The following BASP1 variants were observed in gnomAD, a reference collection of about 807,000 sequenced individuals.
BASP1 encodes brain abundant membrane attached signal protein 1.
BASP1 carries 1 observed loss-of-function variant against 2.2 expected under a neutral mutation model. The ratio of observed to expected loss-of-function variants is 0.46; its 90% confidence interval spans 0.16 to 2.17. BASP1 has a LOEUF of 2.17. BASP1 is among the 30% of genes most tolerant of loss of function. BASP1 has a pLI of 0.27. For missense variants in BASP1, 352 were observed against 327.2 expected, an observed-to-expected ratio of 1.08 and a Z score of -0.58; for synonymous variants, 187 against 154.2, an observed-to-expected ratio of 1.21 and a Z score of -1.58.
chr5:17,222,882 G>A, intron 1 of BASP1, among the ~76,000 whole-genome samples: 1 of 152,106 alleles, frequency 6.6e-6, no homozygotes, highest in East Asian at 1.9e-4. Context: ...TAGAGATTTA[G>A]AAATAGAAAC....
chr5:17,253,857 G>A (rs1366698534), intron 1 of BASP1, among the ~76,000 whole-genome samples: 1 of 152,052 alleles, frequency 6.6e-6, no homozygotes, highest in African/African-American at 2.4e-5. Flanking sequence ...CCAGTGATGA[G>A]AAGACCACCG....
chr5:17,238,886 AT>A (rs1190831370), intron 1 of BASP1, among the ~76,000 whole-genome samples: 2 of 152,128 alleles, frequency 1.3e-5, no homozygotes, highest in Non-Finnish European at 2.9e-5. Flanking sequence ...TCTTCAGTAA[AT>A]TTTAATATCT....
chr5:17,261,565 T>G (rs1740316176), intron 1 of BASP1, among the ~76,000 whole-genome samples: 1 of 152,196 alleles, frequency 6.6e-6, no homozygotes. Flanking sequence ...AAAGAGAGCA[T>G]GTTGAGTTGG....
chr5:17,240,057 G>A (rs1255921942), intron 1 of BASP1, among the ~76,000 whole-genome samples: 5 of 151,844 alleles, frequency 3.3e-5, no homozygotes, highest in South Asian at 2.1e-4. Flanking sequence ...GGGAAATGTC[G>A]AGGTCATGAT....
Position 17,275,368 on chromosome 5 carries a change from C to T in BASP1, c.152C>T (p.Ala51Val), listed in dbSNP as rs532902284. ...CAGGCGGCCGCAGAGCCCGCCGAGG[C>T]CAAGGAGGGCAAGGAGAAGCCCGAC... ...EPQAAAEPAE[A>V]KEGKEKPDQD... is the part of the protein sequence containing the mutation. The change falls in exon 2 of 2, where the codon GCC becomes GTC. Residue 51 changes from alanine to valine, a missense_variant. By Grantham distance (64) the Ala-to-Val change is moderately conservative. Coordinates refer to ENST00000322611, the MANE Select transcript of BASP1 (RefSeq NM_006317.5). This position sits in a 1 kb window ranked among gnomAD's most constrained non-coding sequence, Gnocchi z 5.3. The T allele has an allele frequency of 4.1e-4, 651 of 1,600,180 alleles. 7 individuals carry two copies. In the South Asian group the frequency reaches 6.8e-3, roughly 17 times the overall value.
At chr5:17,238,315 C>A (rs751250133) in intron 1 of BASP1, among the ~76,000 whole-genome samples, 1 of 151,022 alleles carries the variant, frequency 6.6e-6, no homozygotes, top group Admixed American at 6.6e-5. Context: ...TTTTTTTTAT[C>A]GAAACCAAAA....
At chr5:17,222,109 C>T (rs1483909329) in intron 1 of BASP1, among the ~76,000 whole-genome samples, 1 of 151,804 alleles carries the variant, frequency 6.6e-6, no homozygotes, top group African/African-American at 2.4e-5. Context: ...ATTTTTGTTC[C>T]AGCTTGATTA....
Position 17,251,523 on chromosome 5 carries a change from G to A in BASP1, c.-9-23685G>A, listed in dbSNP as rs570287462. Among the ~76,000 whole-genome samples, 1 of 152,170 alleles carries A rather than the reference G, an allele frequency of 6.6e-6. No homozygotes were observed. The highest frequency in any genetic ancestry group is 1.5e-5 in the Non-Finnish European group (1 of 68,036). ...GTTTCTGTGGAAGGGTCCAAACAGC[G>A]GCTGGAGCTCCAACTGTCTTTGTCT... On this transcript the variant is annotated intron_variant, in intron 1 of 1. Coordinates refer to ENST00000322611, the MANE Select transcript of BASP1 (RefSeq NM_006317.5). This position sits in a 1 kb window ranked among gnomAD's most constrained non-coding sequence, Gnocchi z 4.0.
chr5:17,257,115 A>G (rs1740225002), intron 1 of BASP1, among the ~76,000 whole-genome samples: 1 of 152,090 alleles, frequency 6.6e-6, no homozygotes, highest in Admixed American at 6.5e-5. Flanking sequence ...CCCTTTTGAT[A>G]GTTTCTTGGA....
intron 1 of BASP1, among the ~76,000 whole-genome samples, chr5:17,273,382 T>C (rs1012384948): frequency 6.6e-6 from 1 of 152,110 alleles, no homozygotes; most frequent in African/African-American, 2.4e-5. Flanking sequence ...TTATGACCAA[T>C]TGCCACCCCC....
chr5:17,240,404 C>T (rs1042865596), intron 1 of BASP1, among the ~76,000 whole-genome samples: 6 of 152,042 alleles, frequency 3.9e-5, no homozygotes, highest in Non-Finnish European at 7.4e-5. Context: ...GGCGTGGTGG[C>T]GGGCACCTGT....
chr5:17,252,201 T>A (rs548378735), intron 1 of BASP1, among the ~76,000 whole-genome samples: 3 of 152,186 alleles, frequency 2.0e-5, no homozygotes, highest in African/African-American at 7.2e-5. Flanking sequence ...TGTGTTTTCT[T>A]TAGCTTCATT....
At chr5:17,270,154 C>T (rs1210960247) in intron 1 of BASP1, among the ~76,000 whole-genome samples, 2 of 152,118 alleles carry the variant, frequency 1.3e-5, no homozygotes, top group African/African-American at 4.8e-5. Context: ...GCATGCACCA[C>T]CACATCTGGC....
chr5:17,218,975 A>AT (rs754446629), intron 1 of BASP1, among the ~76,000 whole-genome samples: 18 of 114,772 alleles, frequency 1.6e-4, no homozygotes, highest in East Asian at 8.3e-4. Flanking sequence ...ACATGGGTGC[A>AT]TTTTTTAGGA....
At chr5:17,226,756 T>A (rs1051150190) in intron 1 of BASP1, among the ~76,000 whole-genome samples, 14 of 152,110 alleles carry the variant, frequency 9.2e-5, no homozygotes, top group Admixed American at 7.2e-4. Flanking sequence ...TGTAGAGAAA[T>A]CAGATTGACT....
At chr5:17,242,177 G>C (rs1236554110) in intron 1 of BASP1, among the ~76,000 whole-genome samples, 1 of 152,166 alleles carries the variant, frequency 6.6e-6, no homozygotes, top group African/African-American at 2.4e-5. Flanking sequence ...CTCAACCATA[G>C]TGAATGTGTA....
chr5:17,229,957 G>A (rs1579482428), intron 1 of BASP1, among the ~76,000 whole-genome samples: 1 of 151,622 alleles, frequency 6.6e-6, no homozygotes, highest in East Asian at 1.9e-4. Flanking sequence ...TAATTTTTTT[G>A]TATTTTTAGT....
At chr5:17,217,085 A>AGAGAGAGAGAGAGAGAGAGAGAGG (rs1739261738), upstream of BASP1, 1 of 141,276 alleles carries the variant, frequency 7.1e-6, no homozygotes, top group African/African-American at 2.9e-5. Context: ...AGAGAGAGAG[A>AGAGAGAGAGAGAGAGAGAGAGAGG]GAGAGAGAGA....
chr5:17,235,386 G>A (rs146679539), intron 1 of BASP1, among the ~76,000 whole-genome samples: 141 of 151,354 alleles, frequency 9.3e-4, no homozygotes, highest in African/African-American at 3.0e-3. Context: ...TCAGCCTCCC[G>A]AGTAGCTGGG....
Sources: gnomAD v4.1 joint callset for allele counts (sites outside exome capture counted in the v4.1 genomes callset) on GRCh38, gnomAD v4.1.1 for gene constraint, Gnocchi (gnomAD v3.1) non-coding constraint, MANE v1.5 for transcripts, NCBI Gene and HGNC (gene_info 2026-07-23, HGNC 2026-07-21) for gene names.